Variants in RABGAP1L observed in about 807,000 individuals in gnomAD.
The protein encoded by RABGAP1L is RAB GTPase activating protein 1 like.
RABGAP1L carries 63 observed loss-of-function variants against 137.7 expected under a neutral mutation model. The observed-to-expected ratio is 0.46, with a 90% CI of 0.37 to 0.56. The LOEUF (loss-of-function observed/expected upper bound fraction) is 0.56. Ranked by LOEUF, RABGAP1L falls within the 20% of genes least tolerant of loss-of-function variation. The pLI, the probability that RABGAP1L is intolerant of heterozygous loss-of-function variation, is 0.00. For synonymous variants in RABGAP1L, 431 were observed against 433.7 expected, an observed-to-expected ratio of 0.99 and a Z score of 0.08; for missense variants, 1,095 against 1,244.0, an observed-to-expected ratio of 0.88 and a Z score of 1.80.
intron 16 of RABGAP1L, chr1:174,700,711 G>A (rs976987684): frequency 3.0e-5 from 5 of 167,842 alleles, no homozygotes; most frequent in South Asian, 1.5e-4. Flanking sequence ...TGACAAATGG[G>A]CATTAAGGAG....
At chr1:174,651,918 T>C (rs1288550005) in intron 14 of RABGAP1L, among the ~76,000 whole-genome samples, 1 of 152,200 alleles carries the variant, frequency 6.6e-6, no homozygotes, top group African/African-American at 2.4e-5. Context: ...TTGATGCAGT[T>C]TTTTCCTAGA....
chr1:174,766,665 C>G (rs562858929), intron 18 of RABGAP1L, among the ~76,000 whole-genome samples: 1 of 152,328 alleles, frequency 6.6e-6, no homozygotes, highest in African/African-American at 2.4e-5. Flanking sequence ...CTTTGAATCT[C>G]TGTATCCATT....
intron 13 of RABGAP1L, among the ~76,000 whole-genome samples, chr1:174,571,662 C>T (rs1443357024): frequency 6.6e-6 from 1 of 152,084 alleles, no homozygotes; most frequent in East Asian, 1.9e-4. Context: ...ATTTCAAGAT[C>T]ATATGGTCTT....
intron 13 of RABGAP1L, among the ~76,000 whole-genome samples, chr1:174,462,444 G>A (rs1656792623): frequency 6.6e-6 from 1 of 151,828 alleles, no homozygotes; most frequent in Non-Finnish European, 1.5e-5. Context: ...TGTTAGAGTT[G>A]GCTCAGTTTT....
At chr1:174,470,921 G>C (rs1657848060) in intron 13 of RABGAP1L, among the ~76,000 whole-genome samples, 1 of 152,076 alleles carries the variant, frequency 6.6e-6, no homozygotes, top group African/African-American at 2.4e-5. Context: ...TTTTGCCTCT[G>C]TGTTTGTTTC....
intron 13 of RABGAP1L, among the ~76,000 whole-genome samples, chr1:174,619,006 T>G (rs1000810063): frequency 9.9e-5 from 15 of 152,118 alleles, no homozygotes; most frequent in Non-Finnish European, 2.2e-4. Flanking sequence ...CAAGCCTCAG[T>G]AGCCGATTTG....
rs546130654 is a variant in RABGAP1L, at chr1:174,961,001, T to C, written c.2433+3452T>C. Among the ~76,000 whole-genome samples, 136 of 152,354 alleles carry C rather than the reference T, an allele frequency of 8.9e-4. 1 individual carries two copies. Among genetic ancestry groups the C allele is most frequent in the African/African-American group, 3.1e-3 (127 of 41,590 alleles). ...TATATTTTAAACTCAGTGAACACCA[T>C]AATGACTGCTTTATAGCCTTTACTC... On this transcript the variant is annotated intron_variant, in intron 20 of 25. Transcript: ENST00000681986.
At chr1:174,623,428 A>G (rs372539519) in intron 13 of RABGAP1L, among the ~76,000 whole-genome samples, 1 of 152,292 alleles carries the variant, frequency 6.6e-6, no homozygotes, top group African/African-American at 2.4e-5. Flanking sequence ...AAACATGCTC[A>G]TGGAAGCTGA....
intron 13 of RABGAP1L, among the ~76,000 whole-genome samples, chr1:174,636,513 G>A (rs1178369870): frequency 1.4e-5 from 2 of 139,742 alleles, no homozygotes; most frequent in Admixed American, 7.1e-5. Flanking sequence ...GGGCAACAGT[G>A]TGAGACTCTA....
intron 14 of RABGAP1L, among the ~76,000 whole-genome samples, chr1:174,658,621 C>G (rs913723615): frequency 6.6e-5 from 10 of 152,130 alleles, no homozygotes; most frequent in Admixed American, 5.2e-4. Flanking sequence ...AGGTGAACTC[C>G]TCCTTATCTT....
intron 10 of RABGAP1L, among the ~76,000 whole-genome samples, chr1:174,301,854 C>T (rs982931252): frequency 2.0e-5 from 3 of 152,124 alleles, no homozygotes; most frequent in Non-Finnish European, 4.4e-5. Flanking sequence ...GTAAAATAGG[C>T]GAAGGCTGGG....
At chr1:174,633,653 C>G (rs1288970735) in intron 13 of RABGAP1L, among the ~76,000 whole-genome samples, 15 of 115,154 alleles carry the variant, frequency 1.3e-4, no homozygotes, top group African/African-American at 7.3e-4. Context: ...GCTACAGTAA[C>G]CAAAACAGCA....
chr1:174,596,973 A>T (rs1415774616), intron 13 of RABGAP1L, among the ~76,000 whole-genome samples: 1 of 152,140 alleles, frequency 6.6e-6, no homozygotes, highest in Non-Finnish European at 1.5e-5. Context: ...AATTGAAATG[A>T]TCATATGGTC....
chr1:174,797,638 G>C (rs1251029239), intron 18 of RABGAP1L, among the ~76,000 whole-genome samples: 5 of 130,562 alleles, frequency 3.8e-5, no homozygotes, highest in African/African-American at 1.4e-4. Context: ...GGTGTGTGGG[G>C]GGGTGTGTGG....
chr1:174,987,356 G>A (rs1239443831), intron 24 of RABGAP1L, among the ~76,000 whole-genome samples: 2 of 152,034 alleles, frequency 1.3e-5, no homozygotes, highest in East Asian at 3.9e-4. Flanking sequence ...TACTAGAGAC[G>A]GGGTTTCACC....
intron 11 of RABGAP1L, among the ~76,000 whole-genome samples, chr1:174,340,645 T>TAC (rs1402509004): frequency 3.3e-5 from 5 of 152,252 alleles, no homozygotes; most frequent in African/African-American, 9.6e-5. Context: ...GATGTATATA[T>TAC]ACCACATTTT....
At chr1:174,185,185 A>G (rs988429661) in intron 1 of RABGAP1L, among the ~76,000 whole-genome samples, 1 of 152,242 alleles carries the variant, frequency 6.6e-6, no homozygotes, top group African/African-American at 2.4e-5. Flanking sequence ...TATCTGCAAA[A>G]TATGGGGACA....
chr1:174,452,716 C>G (rs952819605), intron 13 of RABGAP1L, among the ~76,000 whole-genome samples: 3 of 152,084 alleles, frequency 2.0e-5, no homozygotes, highest in African/African-American at 7.2e-5. Flanking sequence ...CAGCTGCCAC[C>G]ACGCCCAGCT....
intron 18 of RABGAP1L, among the ~76,000 whole-genome samples, chr1:174,801,888 A>T (rs1314702491): frequency 1.3e-5 from 2 of 152,214 alleles, no homozygotes; most frequent in Admixed American, 6.5e-5. Context: ...ATCTCTGAGG[A>T]ATCAGGCTTG....
Sources: gnomAD v4.1 joint callset for allele counts (sites outside exome capture counted in the v4.1 genomes callset) on GRCh38, gnomAD v4.1.1 for gene constraint, MANE v1.5 for transcripts, NCBI Gene and HGNC (gene_info 2026-07-23, HGNC 2026-07-21) for gene names.